The following MYO18B variants were observed in gnomAD, a reference collection of about 807,000 sequenced individuals.
The protein encoded by MYO18B is unconventional myosin-XVIIIb.
In MYO18B, 204 loss-of-function variants were observed where a neutral mutation model predicts 273.0. The observed-to-expected ratio is 0.75, with a 90% CI of 0.67 to 0.84. The LOEUF is 0.84. Among genes scored for constraint, MYO18B ranks in the 40% least tolerant of loss-of-function variants. The pLI is 0.00. For synonymous variants in MYO18B, 1,330 were observed against 1,305.7 expected, an observed-to-expected ratio of 1.02 and a Z score of -0.40; for missense variants, 3,212 against 3,287.6, an observed-to-expected ratio of 0.98 and a Z score of 0.56.
At chr22:25,864,518 G>C (rs1460061638) in intron 21 of MYO18B, among the ~76,000 whole-genome samples, 3 of 152,208 alleles carry the variant, frequency 2.0e-5, no homozygotes, top group African/African-American at 7.2e-5. Flanking sequence ...GAGAGGAGGA[G>C]AGGCTTGCTC....
At chr22:25,967,551 T>C (rs2092992899) in intron 39 of MYO18B, among the ~76,000 whole-genome samples, 2 of 152,162 alleles carry the variant, frequency 1.3e-5, no homozygotes, top group South Asian at 4.1e-4. Context: ...TCTCAGAATA[T>C]GAGGATCGAC....
In MYO18B at chr22:25,776,895, A is replaced by T. The variant is rs117701755; in HGVS notation, c.1870-688A>T. 6.9e-4 allele frequency among the ~76,000 whole-genome samples: 96 copies of T among 139,270 alleles called. 1 individual carries two copies. In the East Asian group the frequency reaches 0.016, roughly 23 times the overall value. 91.4% of individuals were successfully genotyped at this position (139,270 alleles called of 152,430 possible). ...CATTCAGCATTCCCATTGGCATTGT[A>T]TGAGAATTCCAGTTGCTCCTCATCT... On this transcript the variant is annotated intron_variant, in intron 7 of 43. Transcript: ENST00000335473.
intron 39 of MYO18B, among the ~76,000 whole-genome samples, chr22:25,970,429 T>C (rs1285244152): frequency 6.6e-6 from 1 of 152,162 alleles, no homozygotes; most frequent in Non-Finnish European, 1.5e-5. Flanking sequence ...GATGCCTCCT[T>C]CTTTGTGCTC....
chr22:25,811,703 G>T (rs1266663517), intron 12 of MYO18B, among the ~76,000 whole-genome samples: 1 of 152,196 alleles, frequency 6.6e-6, no homozygotes, highest in African/African-American at 2.4e-5. Context: ...TTCGTCAGCT[G>T]CAGGGGACTG....
At chr22:25,900,466 T>C (rs370593238) in intron 29 of MYO18B, 1 of 152,352 alleles carries the variant, frequency 6.6e-6, no homozygotes, top group African/African-American at 2.4e-5. Flanking sequence ...TAGAGTTCTC[T>C]GTTTCCCGCT....
chr22:25,981,720 G>A (rs1329713082), intron 39 of MYO18B, among the ~76,000 whole-genome samples: 1 of 152,168 alleles, frequency 6.6e-6, no homozygotes, highest in African/African-American at 2.4e-5. Context: ...ACTCCAGCCT[G>A]GGCTACAAAG....
rs760593317 is a variant in MYO18B at position 25,843,901 on chromosome 22, T to C, written c.3368+7T>C. 3.9e-5 allele frequency: 63 copies of C among 1,595,954 alleles called. No individual in the cohort carries two copies. Among genetic ancestry groups the C allele is most frequent in the Admixed American group, 8.4e-5 (5 of 59,608 alleles). On this transcript the variant is annotated splice_region_variant and intron_variant, in intron 18 of 43. Coordinates refer to ENST00000335473, the MANE Select transcript of MYO18B (RefSeq NM_032608.7). The stretch of plus-strand genomic sequence containing the variant: ...TCCTGCACCAGTCAAAAAGGTGAGT[T>C]GGGTCAGGGTTGGGGACGGGGATGG...
intron 28 of MYO18B, chr22:25,897,839 A>G: frequency 6.4e-6 from 1 of 157,382 alleles, no homozygotes; most frequent in Non-Finnish European, 1.4e-5. Flanking sequence ...AATTCAGTCC[A>G]TGCAAAGTGC....
intron 12 of MYO18B, among the ~76,000 whole-genome samples, chr22:25,812,287 A>T (rs568140032): frequency 6.6e-6 from 1 of 152,244 alleles, no homozygotes; most frequent in African/African-American, 2.4e-5. Flanking sequence ...CCAGGTGCCC[A>T]TCTGGTGGCT....
intron 39 of MYO18B, among the ~76,000 whole-genome samples, chr22:25,985,159 G>A (rs2093187422): frequency 6.6e-6 from 1 of 152,088 alleles, no homozygotes; most frequent in Non-Finnish European, 1.5e-5. Flanking sequence ...TCAGGAGTTA[G>A]AGACAAGCCT....
In MYO18B at chr22:25,898,216, A is replaced by G. The variant is rs147540225; in HGVS notation, c.4669-91A>G. The stretch of plus-strand genomic sequence containing the variant: ...CCAGCATCTGCTGTTTTCTCATTAC[A>G]CACCTTGGAAATAGCAACTCCTTGA... On this transcript the variant is annotated intron_variant, in intron 28 of 43. Coordinates refer to ENST00000335473, the MANE Select transcript of MYO18B (RefSeq NM_032608.7). The G allele has an allele frequency of 4.5e-4, 644 of 1,436,988 alleles. 1 individual carries two copies. In the African/African-American group the frequency reaches 8.1e-3, roughly 18 times the overall value. The allele number at this position is 1,436,988 out of a possible 1,614,324, so 89.0% of individuals were successfully genotyped here. A position where few individuals can be genotyped will look rare whatever the true frequency, so the allele number is the denominator to read the frequency against.
rs768305214 is a variant in MYO18B, at chr22:25,768,573, G to A, written c.657G>A (p.Gly219=). The A allele has an allele frequency of 6.5e-7, 1 of 1,533,222 alleles. No homozygotes were observed. Among genetic ancestry groups the A allele is most frequent in the Non-Finnish European group, 8.7e-7 (1 of 1,145,012 alleles). 95.0% of individuals were successfully genotyped at this position (1,533,222 alleles called of 1,614,324 possible). A position where few individuals can be genotyped will look rare whatever the true frequency, so the allele number is the denominator to read the frequency against. The change falls in exon 4 of 44, where the codon GGG becomes GGA. Residue 219 remains glycine, a synonymous_variant. Coordinates refer to ENST00000335473, the MANE Select transcript of MYO18B (RefSeq NM_032608.7). ...CGAAAGCTGAGAAGACCCGGACTGG[G>A]GGTCTTGGGGACCCAGGCCAAGGAA... The part of the protein sequence containing the change: ...LAPKAEKTRT[G]GLGDPGQGTV...
At chr22:26,019,894 A>G (rs1206373577) in intron 42 of MYO18B, among the ~76,000 whole-genome samples, 2 of 152,144 alleles carry the variant, frequency 1.3e-5, no homozygotes, top group Admixed American at 1.3e-4. Context: ...ATAACAGTAA[A>G]TCCAGCATCT....
intron 33 of MYO18B, among the ~76,000 whole-genome samples, chr22:25,913,595 C>T (rs866925286): frequency 5.9e-5 from 9 of 152,276 alleles, no homozygotes; most frequent in African/African-American, 1.9e-4. Flanking sequence ...GTTTCGATCT[C>T]GTGACCTCGT....
At chr22:25,795,179 G>A (rs758928075) in intron 11 of MYO18B, among the ~76,000 whole-genome samples, 4 of 152,034 alleles carry the variant, frequency 2.6e-5, no homozygotes, top group Non-Finnish European at 5.9e-5. Flanking sequence ...ATAGACATTT[G>A]GGTTGTCAGT....
At chr22:25,801,948 C>T (rs76128819) in intron 12 of MYO18B, among the ~76,000 whole-genome samples, 3,412 of 152,280 alleles carry the variant, frequency 0.022, 105 homozygotes, top group African/African-American at 0.072. Context: ...CTACCTCCCA[C>T]CTCCCAAGTA....
intron 42 of MYO18B, 138 bp downstream of exon 42, chr22:26,004,993 T>C (rs2146920698): frequency 9.2e-7 from 1 of 1,085,666 alleles, no homozygotes; most frequent in East Asian, 2.4e-5. Flanking sequence ...GGTATAACTC[T>C]GCCACTTCCT....
chr22:25,919,085 G>A (rs1458426981), intron 33 of MYO18B, among the ~76,000 whole-genome samples: 7 of 152,100 alleles, frequency 4.6e-5, no homozygotes, highest in South Asian at 2.1e-4. Flanking sequence ...CAACCACCCC[G>A]AAATGCATAG....
intron 39 of MYO18B, among the ~76,000 whole-genome samples, chr22:25,956,646 G>C (rs2092856207): frequency 6.6e-6 from 1 of 151,996 alleles, no homozygotes; most frequent in Non-Finnish European, 1.5e-5. Context: ...TTTCTCCACG[G>C]GGCCAGATAT....
Sources: allele counts gnomAD v4.1 joint callset (sites outside exome capture counted in the v4.1 genomes callset), GRCh38; gene constraint gnomAD v4.1.1; transcripts MANE v1.5; gene names NCBI Gene and HGNC (gene_info 2026-07-23, HGNC 2026-07-21).